The following OTOA variants were observed in gnomAD, a reference collection of about 807,000 sequenced individuals.
The protein encoded by OTOA is cancer/testis antigen 108.
OTOA carries 70 observed loss-of-function variants against 110.8 expected under a neutral mutation model. The observed-to-expected ratio is 0.63, with a 90% confidence interval of 0.52 to 0.77. The LOEUF (loss-of-function observed/expected upper bound fraction) is 0.77. OTOA is among the 30% of genes least tolerant of loss of function. OTOA has a pLI of 0.00. For synonymous variants in OTOA, 373 were observed against 431.5 expected, an observed-to-expected ratio of 0.86 and a Z score of 1.68; for missense variants, 917 against 1,075.8, an observed-to-expected ratio of 0.85 and a Z score of 2.06.
intron 11 of OTOA, 122 bp from the exon 12 acceptor site, chr16:21,705,046 AC>A: frequency 6.8e-7 from 1 of 1,475,180 alleles, no homozygotes; most frequent in South Asian, 1.1e-5. Flanking sequence ...AGGTTATGTG[AC>A]CTTCAACCTG....
At chr16:21,751,722 A>G (rs1205178885) in intron 24 of OTOA, among the ~76,000 whole-genome samples, 1 of 116,912 alleles carries the variant, frequency 8.6e-6, no homozygotes, top group Admixed American at 9.4e-5. Flanking sequence ...TTGCCTGAAG[A>G]CACTTTCATA....
chr16:21,685,135 G>C, intron 6 of OTOA, 95 bp from the exon 7 acceptor site: 1 of 1,514,158 alleles, frequency 6.6e-7, no homozygotes, highest in Non-Finnish European at 9.1e-7. Flanking sequence ...TCTCTGCAGG[G>C]AATGAGGGGG....
chr16:21,671,222 G>A (rs764932866), intron 1 of OTOA, among the ~76,000 whole-genome samples: 1 of 151,974 alleles, frequency 6.6e-6, no homozygotes, highest in Non-Finnish European at 1.5e-5. Context: ...ACCCTCATAC[G>A]ACACAGTGAT....
chr16:21,723,617 A>G (rs4783412), intron 18 of OTOA, among the ~76,000 whole-genome samples: 22,147 of 152,152 alleles, frequency 0.15, 2,189 homozygotes, highest in South Asian at 0.29. Flanking sequence ...TTTGGTTGAA[A>G]GCAACAGAAC....
intron 9 of OTOA, among the ~76,000 whole-genome samples, chr16:21,693,190 G>A (rs1345344710): frequency 6.6e-6 from 1 of 152,162 alleles, no homozygotes; most frequent in African/African-American, 2.4e-5. Flanking sequence ...CTTGAGCCCG[G>A]GAGGCAGAAC....
chr16:21,719,096 T>C, intron 15 of OTOA, 37 bp from the exon 16 acceptor site: 1 of 1,591,652 alleles, frequency 6.3e-7, no homozygotes, highest in Non-Finnish European at 8.6e-7. Flanking sequence ...ACACGCTGAG[T>C]GTGCCATCAG....
chr16:21,693,492 A>G (rs1897874245), intron 9 of OTOA, among the ~76,000 whole-genome samples: 1 of 152,146 alleles, frequency 6.6e-6, no homozygotes, highest in Non-Finnish European at 1.5e-5. Flanking sequence ...TTATTGTGGG[A>G]GTGTTGGTGG....
intron 11 of OTOA, 26 bp from the exon 12 acceptor site, chr16:21,705,143 C>T (rs776183538): frequency 1.9e-6 from 3 of 1,614,064 alleles, no homozygotes; most frequent in Middle Eastern, 1.6e-4. Flanking sequence ...TACACCTCCA[C>T]CACCATCCCT....
chr16:21,736,152 A>G (rs1245947466), intron 21 of OTOA, 109 bp from the exon 22 acceptor site: 1 of 1,003,108 alleles, frequency 1.0e-6, no homozygotes, highest in Non-Finnish European at 1.5e-6. Flanking sequence ...AGAAGTTGCT[A>G]TAACAAAGAA....
At chr16:21,707,287 G>T (rs538677409) in intron 12 of OTOA, among the ~76,000 whole-genome samples, 1 of 152,008 alleles carries the variant, frequency 6.6e-6, no homozygotes, top group East Asian at 1.9e-4. Flanking sequence ...TGACCAAGGA[G>T]AAGGTGGCAT....
At chr16:21,729,251 G>T (rs1899031648) in intron 20 of OTOA, among the ~76,000 whole-genome samples, 1 of 151,964 alleles carries the variant, frequency 6.6e-6, no homozygotes, top group South Asian at 2.1e-4. Flanking sequence ...TGCCTAGGTG[G>T]GTCTTGAACT....
Position 21,709,880 on chromosome 16 carries a change from C to T in OTOA, c.1105-8C>T. On this transcript the variant is annotated splice_polypyrimidine_tract_variant and splice_region_variant and intron_variant, in intron 12 of 28. Coordinates refer to ENST00000646100, the MANE Select transcript of OTOA (RefSeq NM_144672.4). The stretch of plus-strand genomic sequence containing the variant: ...GTCAACACTCATTCCAGTTTGCTCT[C>T]CTTCCAGCTCAAAGCAGAACTCCTG... 1.9e-6 allele frequency: 3 copies of T among 1,609,474 alleles called. No individual in the cohort carries two copies. Among genetic ancestry groups the T allele is most frequent in the Non-Finnish European group, 1.7e-6 (2 of 1,175,822 alleles).
chr16:21,701,345 C>A (rs1328518924), intron 11 of OTOA, among the ~76,000 whole-genome samples: 1 of 152,148 alleles, frequency 6.6e-6, no homozygotes, highest in Non-Finnish European at 1.5e-5. Context: ...GGGTCCTGTT[C>A]CAAAGTGAAT....
In OTOA at chr16:21,697,841, C is replaced by T. The variant is rs201002358; in HGVS notation, c.806C>T (p.Ser269Leu). The change falls in exon 10 of 29, where the codon TCG becomes TTG. Residue 269 changes from serine (S) to leucine (L), a missense_variant. Coordinates refer to ENST00000646100, the MANE Select transcript of OTOA (RefSeq NM_144672.4). ...WVLGRYMVHL[S>L]FEEITKISPI... is the part of the protein sequence containing the mutation. ...TTGGGCAGATACATGGTTCACCTATCGTTTGAAGAAATTACGAAAATTAGT... is the reference window on the plus strand; with the variant it reads ...TTGGGCAGATACATGGTTCACCTATTGTTTGAAGAAATTACGAAAATTAGT... 8 of 1,613,868 alleles carry T rather than the reference C, an allele frequency of 5.0e-6. No homozygotes were observed. The highest frequency in any genetic ancestry group is 2.2e-5 in the East Asian group (1 of 44,890).
intron 5 of OTOA, among the ~76,000 whole-genome samples, chr16:21,680,184 T>TATCCATCCATCC (rs60446298): frequency 0.033 from 4,995 of 150,152 alleles, 102 homozygotes; most frequent in Middle Eastern, 0.082. Flanking sequence ...TTTATTAATT[T>TATCCATCCATCC]ATCCATCCAT....
intron 10 of OTOA, 28 bp downstream of exon 10, chr16:21,697,903 C>T (rs1897977357): frequency 6.5e-7 from 1 of 1,547,696 alleles, no homozygotes; most frequent in Non-Finnish European, 8.9e-7. Flanking sequence ...ATTTATATGT[C>T]ACCATTACTA....
At chr16:21,673,067 G>T (rs1045617162) in intron 1 of OTOA, among the ~76,000 whole-genome samples, 1 of 152,154 alleles carries the variant, frequency 6.6e-6, no homozygotes, top group Admixed American at 6.5e-5. Context: ...AGGATCACTT[G>T]AACACAGGAG....
chr16:21,675,563 T>C (rs560746042), intron 1 of OTOA, among the ~76,000 whole-genome samples: 1 of 152,172 alleles, frequency 6.6e-6, no homozygotes, highest in African/African-American at 2.4e-5. Context: ...ATTTTTTCAG[T>C]CTTTTTCCCC....
At chr16:21,725,812 C>T (rs1015697591) in intron 18 of OTOA, among the ~76,000 whole-genome samples, 4 of 152,072 alleles carry the variant, frequency 2.6e-5, no homozygotes, top group South Asian at 2.1e-4. Context: ...TTAATTTCTC[C>T]TGAATGAAAG....
Sources: allele counts gnomAD v4.1 joint callset (sites outside exome capture counted in the v4.1 genomes callset), GRCh38; gene constraint gnomAD v4.1.1; transcripts MANE v1.5; gene names NCBI Gene and HGNC (gene_info 2026-07-23, HGNC 2026-07-21).